Variants in WDR86 observed in about 807,000 individuals in gnomAD.
WDR86 encodes the protein WD repeat-containing protein 86.
A neutral mutation model predicts 36.5 loss-of-function variants in WDR86; 30 were observed. The ratio of observed to expected loss-of-function variants is 0.82; its 90% confidence interval spans 0.61 to 1.11. The LOEUF is 1.11. WDR86 is among the 50% of genes most tolerant of loss of function. The pLI is 0.00. For missense variants in WDR86, 545 were observed against 561.2 expected (o/e 0.97, Z 0.29); for synonymous variants, 255 against 252.9 (o/e 1.01, Z -0.08).
downstream of WDR86, among the ~76,000 whole-genome samples, chr7:151,379,595 T>C (rs970973358): frequency 6.6e-6 from 1 of 152,092 alleles, no homozygotes; most frequent in Admixed American, 6.5e-5. Context: ...AGAGCGAAAA[T>C]GGACATCTGG....
chr7:151,402,299 A>T (rs2150853787), intron 1 of WDR86, among the ~76,000 whole-genome samples: 1 of 151,828 alleles, frequency 6.6e-6, no homozygotes, highest in Non-Finnish European at 1.5e-5. Flanking sequence ...AGGGACGCTC[A>T]TTTCAGCCCT....
intron 3 of WDR86, among the ~76,000 whole-genome samples, chr7:151,387,627 C>A (rs899039736): frequency 6.6e-6 from 1 of 152,082 alleles, no homozygotes; most frequent in Non-Finnish European, 1.5e-5. Context: ...AGGCACCGGC[C>A]CGGGGCTCCG....
chr7:151,375,773 T>C (rs914146974), downstream of WDR86: 4 of 982,340 alleles, frequency 4.1e-6, no homozygotes, highest in East Asian at 2.4e-5. Context: ...GCCTAGCACA[T>C]GGCAGGGTGC....
At chr7:151,402,605 C>T (rs1175396266) in intron 1 of WDR86, among the ~76,000 whole-genome samples, 5 of 152,148 alleles carry the variant, frequency 3.3e-5, no homozygotes, top group Admixed American at 6.5e-5. Flanking sequence ...GGAAAGCAGG[C>T]GTGCAGGGAC....
At position 151,388,489 on chromosome 7, in the gene WDR86, C is replaced by T. The variant is rs1473176637; in HGVS notation, c.727-3266G>A. 6.6e-6 allele frequency among the ~76,000 whole-genome samples: 1 copy of T among 152,136 alleles called. No homozygotes were observed. Among genetic ancestry groups the T allele is most frequent in the African/African-American group, 2.4e-5 (1 of 41,450 alleles). ...CCACCACAGACAGGGTGCCCCCTGGCTTTTTGACCTTGGGTTTGTCGCTTA... is the reference window on the plus strand; with the variant it reads ...CCACCACAGACAGGGTGCCCCCTGGTTTTTTGACCTTGGGTTTGTCGCTTA... On this transcript the variant is annotated intron_variant, in intron 3 of 5. Coordinates refer to ENST00000334493, the MANE Select transcript of WDR86 (RefSeq NM_198285.3). The surrounding 1 kb of genome is among the most constrained non-coding windows in gnomAD (Gnocchi z 4.2).
At chr7:151,393,637 C>A (rs190718594) in intron 3 of WDR86, among the ~76,000 whole-genome samples, 1 of 152,158 alleles carries the variant, frequency 6.6e-6, no homozygotes, top group Non-Finnish European at 1.5e-5. Context: ...ACTCCTGGCC[C>A]CTTCCCCTCC....
chr7:151,385,369 C>A, intron 3 of WDR86, 146 bp from the exon 4 acceptor site: 7 of 1,389,728 alleles, frequency 5.0e-6, no homozygotes, highest in Non-Finnish European at 6.7e-6. Context: ...CCGGCCCCAC[C>A]AGACTGCCCA....
chr7:151,370,149 A>G, the WDR86 span, among the ~76,000 whole-genome samples: 2 of 151,284 alleles, frequency 1.3e-5, no homozygotes, highest in Non-Finnish European at 2.9e-5. Context: ...GCTGGAGTGC[A>G]GTGGCGTGAT....
downstream of WDR86, among the ~76,000 whole-genome samples, chr7:151,380,144 T>C (rs1002017992): frequency 6.6e-6 from 1 of 152,178 alleles, no homozygotes; most frequent in Non-Finnish European, 1.5e-5. Context: ...ACCGATCTGC[T>C]TGCCTCCCAA....
Position 151,409,357 on chromosome 7 carries a change from G to T in WDR86, c.163+70C>A. 1 of 1,538,954 alleles carries T rather than the reference G, an allele frequency of 6.5e-7. No individual in the cohort carries two copies. Among genetic ancestry groups the T allele is most frequent in the South Asian group, 1.2e-5 (1 of 83,430 alleles). On this transcript the variant is annotated intron_variant, in intron 1 of 5. Transcript: ENST00000334493. This position sits in a 1 kb window ranked among gnomAD's most constrained non-coding sequence, Gnocchi z 5.2. ...TCTAGAAAGGGGTCTGCGGGCGCAG[G>T]AGCTGGGGTCCGCGGTCTGGGGCCG...
intron 1 of WDR86, 137 bp from the exon 2 acceptor site, chr7:151,400,378 G>T: frequency 1.1e-6 from 1 of 951,682 alleles, no homozygotes; most frequent in African/African-American, 1.7e-5. Flanking sequence ...ATTAGCATTA[G>T]TTTTGTTTTG....
chr7:151,397,656 A>AGAGG (rs1799930867), intron 2 of WDR86, among the ~76,000 whole-genome samples: 1 of 44,074 alleles, frequency 2.3e-5, no homozygotes, highest in Non-Finnish European at 6.0e-5. Flanking sequence ...AGCGGGAGGA[A>AGAGG]GGGCATAGCG....
chr7:151,376,833 G>GC, downstream of WDR86: 1 of 1,556,206 alleles, frequency 6.4e-7, no homozygotes, highest in Non-Finnish European at 8.7e-7. Flanking sequence ...GTCTTTGAGG[G>GC]CCGCATTGAG....
Position 151,409,205 on chromosome 7 carries a change from G to A in WDR86, c.163+222C>T, listed in dbSNP as rs1482773238. 5 of 453,912 alleles carry A rather than the reference G, an allele frequency of 1.1e-5. No homozygotes were observed. Among genetic ancestry groups the A allele is most frequent in the Admixed American group, 5.2e-5 (2 of 38,606 alleles). The allele number at this position is 453,912 out of a possible 1,614,324, so 28.1% of individuals were successfully genotyped here. ...TCGACCCACCCACCCGATCCCGGCCGCACCCTGCTCTGCACCCGCACCCCA... is the reference window on the plus strand; with the variant it reads ...TCGACCCACCCACCCGATCCCGGCCACACCCTGCTCTGCACCCGCACCCCA... On this transcript the variant is annotated intron_variant, in intron 1 of 5. Coordinates refer to ENST00000334493, the MANE Select transcript of WDR86 (RefSeq NM_198285.3). This position sits in a 1 kb window ranked among gnomAD's most constrained non-coding sequence, Gnocchi z 5.2.
At chr7:151,374,427 C>A, downstream of WDR86, 2 of 773,828 alleles carry the variant, frequency 2.6e-6, no homozygotes, top group Non-Finnish European at 4.3e-6. Flanking sequence ...CACGTGAGGC[C>A]CCATGCTCAG....
At chr7:151,397,610 T>TGCGGGAGGAAGAGGGTGTA (rs1799915573) in intron 2 of WDR86, among the ~76,000 whole-genome samples, 3 of 80,874 alleles carry the variant, frequency 3.7e-5, no homozygotes, top group South Asian at 3.6e-4. Flanking sequence ...TGCTGCAAAG[T>TGCGGGAGGAAGAGGGTGTA]GCGGGAGGAA....
At position 151,405,237 on chromosome 7, in the gene WDR86, G is replaced by A. The variant is rs1800622641; in HGVS notation, c.163+4190C>T. Among the ~76,000 whole-genome samples, 2 of 144,978 alleles carry A rather than the reference G, an allele frequency of 1.4e-5. No homozygotes were observed. The highest frequency in any genetic ancestry group is 5.4e-5 in the African/African-American group (2 of 37,280). ...GCCCACCGTGGGTTCCGACAAGTGG[G>A]AGCCGCAGCTGGAGACTCTAGGTCA... On this transcript the variant is annotated intron_variant, in intron 1 of 5. Transcript: ENST00000334493. The surrounding 1 kb of genome is among the most constrained non-coding windows in gnomAD (Gnocchi z 4.7).
downstream of WDR86, chr7:151,377,118 G>C (rs1421621491): frequency 2.5e-5 from 40 of 1,586,740 alleles, no homozygotes; most frequent in Non-Finnish European, 3.4e-5. Context: ...AGACATTCCA[G>C]AGCATGAGGA....
At chr7:151,376,483 A>G, downstream of WDR86, 2 of 754,202 alleles carry the variant, frequency 2.7e-6, 1 homozygote, top group South Asian at 4.4e-5. Flanking sequence ...CTACGCTCAC[A>G]TTGCACAGAA....
Sources: gnomAD v4.1 joint callset for allele counts (sites outside exome capture counted in the v4.1 genomes callset) on GRCh38, gnomAD v4.1.1 for gene constraint, Gnocchi (gnomAD v3.1) non-coding constraint, MANE v1.5 for transcripts, NCBI Gene and HGNC (gene_info 2026-07-23, HGNC 2026-07-21) for gene names.